The following OXR1 variants were observed in gnomAD, a reference collection of about 807,000 sequenced individuals.
The protein encoded by OXR1 is oxidation resistance protein 1.
In OXR1, 41 loss-of-function variants were observed where a neutral mutation model predicts 104.6. The observed-to-expected ratio is 0.39, with a 90% confidence interval of 0.31 to 0.51. The LOEUF (loss-of-function observed/expected upper bound fraction) is 0.51. Among genes scored for constraint, OXR1 ranks in the 20% least tolerant of loss-of-function variants. The pLI, the probability that OXR1 is intolerant of heterozygous loss-of-function variation, is 0.77. For missense variants in OXR1, 955 were observed against 1,031.9 expected, an observed-to-expected ratio of 0.93 and a Z score of 1.02; for synonymous variants, 348 against 348.4, an observed-to-expected ratio of 1.00 and a Z score of 0.01.
In OXR1 at chr8:106,397,315, G is replaced by A. The variant is rs551840043; in HGVS notation, c.23+37679G>A. Among the ~76,000 whole-genome samples, 3 of 152,194 alleles carry A rather than the reference G, an allele frequency of 2.0e-5. No individual in the cohort carries two copies. The South Asian group carries it at 6.2e-4, about 32-fold the overall frequency. On this transcript the variant is annotated intron_variant, in intron 2 of 16. Coordinates refer to ENST00000517566, the MANE Select transcript of OXR1 (RefSeq NM_001198533.2). ...AGTAAACCCTAGGAAGGTGGGGTAA[G>A]GCTGAGGAGAGGAAGGTCACACCTT...
intron 3 of OXR1, among the ~76,000 whole-genome samples, chr8:106,672,521 AGAG>A (rs1315569821): frequency 2.5e-4 from 7 of 27,650 alleles, no homozygotes; most frequent in Admixed American, 5.4e-4. Flanking sequence ...AAAGAAAGAG[AGAG>A]AGAGAGAGAA....
chr8:106,444,196 C>A (rs929141326), intron 2 of OXR1, among the ~76,000 whole-genome samples: 2 of 152,122 alleles, frequency 1.3e-5, no homozygotes, highest in African/African-American at 4.8e-5. Flanking sequence ...ACAATAGATT[C>A]TAATGAGGCT....
chr8:106,438,764 A>G (rs1254155334), intron 2 of OXR1, among the ~76,000 whole-genome samples: 1 of 152,168 alleles, frequency 6.6e-6, no homozygotes, highest in African/African-American at 2.4e-5. Flanking sequence ...TGATACAGAC[A>G]TAACATGTTG....
At chr8:106,323,746 A>G (rs1814331938) in intron 1 of OXR1, among the ~76,000 whole-genome samples, 1 of 152,230 alleles carries the variant, frequency 6.6e-6, no homozygotes, top group African/African-American at 2.4e-5. Context: ...GTGGCCAACA[A>G]GCATATGAAA....
chr8:106,574,704 G>A (rs1201497237), intron 3 of OXR1, among the ~76,000 whole-genome samples: 1 of 152,230 alleles, frequency 6.6e-6, no homozygotes, highest in East Asian at 1.9e-4. Flanking sequence ...CCCAGTAAGT[G>A]TGCCAGGTTG....
chr8:106,432,513 C>T (rs150698721), intron 2 of OXR1, among the ~76,000 whole-genome samples: 1 of 152,218 alleles, frequency 6.6e-6, no homozygotes, highest in Non-Finnish European at 1.5e-5. Context: ...CTTAGCTTAT[C>T]CTCCCACCGT....
chr8:106,691,619 C>CAT (rs35095319), intron 6 of OXR1, among the ~76,000 whole-genome samples: 9,458 of 140,832 alleles, frequency 0.067, 673 homozygotes, highest in African/African-American at 0.19. Flanking sequence ...CATATATATA[C>CAT]ATATATATAT....
chr8:106,370,153 T>C (rs1816642539), intron 2 of OXR1, among the ~76,000 whole-genome samples: 2 of 152,184 alleles, frequency 1.3e-5, no homozygotes, highest in Non-Finnish European at 1.5e-5. Flanking sequence ...TTATTCTCTT[T>C]GTAGTGATTG....
intron 1 of OXR1, among the ~76,000 whole-genome samples, chr8:106,290,340 A>G (rs182802651): frequency 8.7e-4 from 132 of 152,328 alleles, no homozygotes; most frequent in African/African-American, 2.9e-3. Flanking sequence ...ATCTCAAGCT[A>G]CAAAAATCCT....
intron 2 of OXR1, among the ~76,000 whole-genome samples, chr8:106,494,681 T>G (rs1005861684): frequency 6.6e-6 from 1 of 152,170 alleles, no homozygotes; most frequent in Middle Eastern, 3.2e-3. Context: ...AAACAAATCT[T>G]CTGGGAAGTG....
At chr8:106,683,350 C>A in intron 5 of OXR1, 44 bp downstream of exon 5, 2 of 862,988 alleles carry the variant, frequency 2.3e-6, no homozygotes, top group Non-Finnish European at 2.0e-6. Flanking sequence ...AAACATTAAA[C>A]AGAAAGGCAG....
intron 1 of OXR1, among the ~76,000 whole-genome samples, chr8:106,347,059 A>G (rs1048686704): frequency 1.3e-5 from 2 of 152,174 alleles, no homozygotes; most frequent in African/African-American, 4.8e-5. Context: ...AAGAAAAACA[A>G]AAAAGGAAGC....
rs1403855625 is a variant in OXR1, at chr8:106,427,324, G to A, written c.23+67688G>A. On this transcript the variant is annotated intron_variant, in intron 2 of 16. Coordinates refer to ENST00000517566, the MANE Select transcript of OXR1 (RefSeq NM_001198533.2). Reference sequence around the variant, plus strand: ...TGGGACTACAGGTGACCACCACCACGTCCGGCAAATTTTTTTGTATTTTTA... The same window carrying A: ...TGGGACTACAGGTGACCACCACCACATCCGGCAAATTTTTTTGTATTTTTA... Among the ~76,000 whole-genome samples the A allele has an allele frequency of 6.6e-5, 10 of 151,876 alleles. 1 individual carries two copies. Among genetic ancestry groups the A allele is most frequent in the Admixed American group, 2.6e-4 (4 of 15,250 alleles).
intron 1 of OXR1, among the ~76,000 whole-genome samples, chr8:106,353,425 AAAT>A (rs141973700): frequency 0.063 from 9,615 of 151,454 alleles, 520 homozygotes; most frequent in African/African-American, 0.15. Flanking sequence ...TTCACAGGAA[AAAT>A]AATATCTTTC....
intron 2 of OXR1, among the ~76,000 whole-genome samples, chr8:106,428,674 CT>C (rs1819234762): frequency 6.6e-6 from 1 of 150,618 alleles, no homozygotes; most frequent in South Asian, 2.1e-4. Flanking sequence ...GGCTTGAAGA[CT>C]GTTTAGCACA....
At chr8:106,298,495 A>G (rs369707202) in intron 1 of OXR1, among the ~76,000 whole-genome samples, 6 of 152,242 alleles carry the variant, frequency 3.9e-5, no homozygotes, top group Admixed American at 3.3e-4. Context: ...CAAGATGAGA[A>G]TTTGTTGGGG....
chr8:106,594,643 A>C (rs149386500), intron 3 of OXR1, among the ~76,000 whole-genome samples: 2 of 152,256 alleles, frequency 1.3e-5, no homozygotes, highest in South Asian at 2.1e-4. Context: ...AAGTTTTGGC[A>C]CCTAAAAAAA....
chr8:106,742,469 A>T, intron 15 of OXR1, 152 bp downstream of exon 15: 1 of 530,532 alleles, frequency 1.9e-6, no homozygotes, highest in Admixed American at 3.7e-5. Context: ...TGTGGAACCC[A>T]AAAAGAGCCC....
intron 3 of OXR1, among the ~76,000 whole-genome samples, chr8:106,670,049 CA>C (rs1826776593): frequency 6.6e-6 from 1 of 152,056 alleles, no homozygotes; most frequent in Non-Finnish European, 1.5e-5. Context: ...CTTTTTACCC[CA>C]GGGGTAGTGT....
Sources: gnomAD v4.1 joint callset for allele counts (sites outside exome capture counted in the v4.1 genomes callset) on GRCh38, gnomAD v4.1.1 for gene constraint, MANE v1.5 for transcripts, NCBI Gene and HGNC (gene_info 2026-07-23, HGNC 2026-07-21) for gene names.